The following ST6GAL2 variants were observed in gnomAD, a reference collection of about 807,000 sequenced individuals.
ST6GAL2 encodes the protein ST6 beta-galactoside alpha-2,6-sialyltransferase 2.
ST6GAL2 carries 24 observed loss-of-function variants against 37.5 expected under a neutral mutation model. The ratio of observed to expected loss-of-function variants is 0.64; its 90% CI spans 0.46 to 0.90. ST6GAL2 has a LOEUF of 0.90. Ranked by LOEUF, ST6GAL2 falls within the 40% of genes least tolerant of loss-of-function variation. ST6GAL2 has a pLI of 0.00. For synonymous variants in ST6GAL2, 306 were observed against 295.1 expected, an observed-to-expected ratio of 1.04 and a Z score of -0.38; for missense variants, 715 against 712.7, an observed-to-expected ratio of 1.00 and a Z score of -0.04.
In ST6GAL2 at chr2:106,843,132, G is replaced by A. The variant is rs746962331; in HGVS notation, c.846C>T (p.Ala282=). The change falls in exon 2 of 6, where the codon GCC becomes GCT. Residue 282 remains alanine, a synonymous_variant. Coordinates refer to ENST00000409382, the MANE Select transcript of ST6GAL2 (RefSeq NM_001142351.2). ...GGGGGTGCAGCTGGCTCAGGGGCAC[G>A]GCGGGCACCAGGCGCCGCCAGCCCA... ...SALGWRRLVP[A]VPLSQLHPRG... 1.7e-5 allele frequency: 27 copies of A among 1,567,160 alleles called. No individual in the cohort carries two copies. Among genetic ancestry groups the A allele is most frequent in the African/African-American group, 1.1e-4 (8 of 72,160 alleles).
chr2:106,867,973 T>C (rs568733325), intron 1 of ST6GAL2, among the ~76,000 whole-genome samples: 10 of 152,228 alleles, frequency 6.6e-5, no homozygotes, highest in Non-Finnish European at 1.5e-4. Flanking sequence ...GGTATTATTA[T>C]ATAAGAAGGT....
intron 5 of ST6GAL2, among the ~76,000 whole-genome samples, chr2:106,826,909 C>G (rs1439317128): frequency 6.6e-6 from 1 of 152,188 alleles, no homozygotes; most frequent in Non-Finnish European, 1.5e-5. Flanking sequence ...ACCTCCAGTG[C>G]AGCCCTTTGT....
In ST6GAL2 at chr2:106,830,065, C is replaced by T. The variant is rs1213097719; in HGVS notation, c.1318+1G>A. 2 of 1,613,748 alleles carry T rather than the reference C, an allele frequency of 1.2e-6. No individual in the cohort carries two copies. Among genetic ancestry groups the T allele is most frequent in the Non-Finnish European group, 8.5e-7 (1 of 1,179,798 alleles). ...ATTCCAATTTTTAACATAACACCTA[C>T]CAATGAAACCAGAAGATGGTGGGTT... On this transcript the variant is annotated splice_donor_variant, in intron 5 of 5. Coordinates refer to ENST00000409382, the MANE Select transcript of ST6GAL2 (RefSeq NM_001142351.2). LOFTEE classifies it high-confidence loss of function.
intron 1 of ST6GAL2, among the ~76,000 whole-genome samples, chr2:106,876,892 G>A (rs1678526885): frequency 6.6e-6 from 1 of 152,112 alleles, no homozygotes; most frequent in Non-Finnish European, 1.5e-5. Flanking sequence ...CTCCGCATGT[G>A]GACAGAAGCA....
chr2:106,876,335 C>T (rs1475110991), intron 1 of ST6GAL2, among the ~76,000 whole-genome samples: 1 of 152,096 alleles, frequency 6.6e-6, no homozygotes, highest in Non-Finnish European at 1.5e-5. Flanking sequence ...AATGGCAAAA[C>T]TAAGCTCTTC....
In ST6GAL2 at chr2:106,843,663, C is replaced by G; in HGVS notation, c.315G>C (p.Gly105=). 1 of 1,613,494 alleles carries G rather than the reference C, an allele frequency of 6.2e-7. No homozygotes were observed. The highest frequency in any genetic ancestry group is 8.5e-7 in the Non-Finnish European group (1 of 1,180,026). Residue 105 remains glycine, a synonymous_variant, in exon 2 of 6, where the codon GGG becomes GGC. Transcript: ENST00000409382. ...ATGAAAAAAACTCTTTATGTTCAAA[C>G]CCATCTTGGGACTGGGCCCATTTCT... ...DLQKWAQSQD[G]FEHKEFFSSQ...
At chr2:106,857,315 T>G (rs1228065704) in intron 1 of ST6GAL2, among the ~76,000 whole-genome samples, 1 of 152,046 alleles carries the variant, frequency 6.6e-6, no homozygotes, top group Non-Finnish European at 1.5e-5. Context: ...TTAGAACACA[T>G]AATACGGCCA....
chr2:106,872,151 C>A (rs898526890), intron 1 of ST6GAL2, among the ~76,000 whole-genome samples: 16 of 152,178 alleles, frequency 1.1e-4, no homozygotes, highest in Non-Finnish European at 2.1e-4. Context: ...TCTCAGGAGA[C>A]CCCTGTGTTA....
intron 1 of ST6GAL2, among the ~76,000 whole-genome samples, chr2:106,850,221 G>A (rs551022220): frequency 6.6e-6 from 1 of 152,206 alleles, no homozygotes; most frequent in African/African-American, 2.4e-5. Context: ...GAGGATGTCA[G>A]AGGACACAAA....
At chr2:106,821,268 C>A (rs1026807753) in intron 5 of ST6GAL2, among the ~76,000 whole-genome samples, 1 of 151,102 alleles carries the variant, frequency 6.6e-6, no homozygotes, top group African/African-American at 2.4e-5. Context: ...AGAAAGAAGA[C>A]CCAGATAAAT....
In ST6GAL2 at chr2:106,823,442, AACACACACACACAC is replaced by A. The variant is rs60795605; in HGVS notation, c.1318+6610_1318+6623del. Among the ~76,000 whole-genome samples, 343 of 101,592 alleles carry A rather than the reference AACACACACACACAC, an allele frequency of 3.4e-3. 3 individuals carry two copies. The highest frequency in any genetic ancestry group is 9.8e-3 in the South Asian group (28 of 2,862). The allele number at this position is 101,592 out of a possible 152,430, so 66.6% of individuals were successfully genotyped here. A position where few individuals can be genotyped will look rare whatever the true frequency, so the allele number is the denominator to read the frequency against. On this transcript the variant is annotated intron_variant, in intron 5 of 5. Coordinates refer to ENST00000409382, the MANE Select transcript of ST6GAL2 (RefSeq NM_001142351.2). ...TATTGCTTTCCTTTTCCCAGCAGAA[AACACACACACACAC>A]ACACACACACACACACACACACACA...
intron 1 of ST6GAL2, among the ~76,000 whole-genome samples, chr2:106,879,460 T>C (rs1350859238): frequency 6.6e-6 from 1 of 152,094 alleles, no homozygotes; most frequent in Admixed American, 6.6e-5. Flanking sequence ...CCCATGAATG[T>C]TATTCTAACA....
chr2:106,821,457 T>C (rs557022455), intron 5 of ST6GAL2, among the ~76,000 whole-genome samples: 10 of 151,716 alleles, frequency 6.6e-5, no homozygotes, highest in African/African-American at 2.4e-4. Flanking sequence ...TACAATCTAG[T>C]AAGATTGAGT....
chr2:106,870,771 C>T, intron 1 of ST6GAL2, among the ~76,000 whole-genome samples: 1 of 152,174 alleles, frequency 6.6e-6, no homozygotes, highest in East Asian at 1.9e-4. Flanking sequence ...CATCTAAAAA[C>T]TTCTCCAGGA....
At position 106,834,127 on chromosome 2, in the gene ST6GAL2, C is replaced by T. The variant is rs1676537501; in HGVS notation, c.963G>A (p.Leu321=). The T allele has an allele frequency of 9.9e-6, 16 of 1,613,416 alleles. No homozygotes were observed. The East Asian group carries it at 3.3e-4, about 34-fold the overall frequency. Residue 321 remains leucine (L), a synonymous_variant, in exon 3 of 6, where the codon TTG becomes TTA. Coordinates refer to ENST00000409382, the MANE Select transcript of ST6GAL2 (RefSeq NM_001142351.2). ...CACGTGTAGGAGCAGAGTTAAATCT[C>T]AAAACCGCATCATGAGAATCTAAGG... is the stretch of plus-strand genomic sequence containing the variant. The part of the protein sequence containing the change: ...GEEIDSHDAV[L]RFNSAPTRGY...
intron 1 of ST6GAL2, among the ~76,000 whole-genome samples, chr2:106,882,267 T>A (rs1485918349): frequency 6.6e-6 from 1 of 152,172 alleles, no homozygotes; most frequent in Non-Finnish European, 1.5e-5. Context: ...TTACAGGAGT[T>A]GTCATTCTTG....
At chr2:106,847,242 G>T (rs1326459951) in intron 1 of ST6GAL2, among the ~76,000 whole-genome samples, 3 of 152,194 alleles carry the variant, frequency 2.0e-5, no homozygotes, top group Non-Finnish European at 4.4e-5. Context: ...ACCAGGAACT[G>T]GTAATGAACA....
chr2:106,834,058 A>G lies in ST6GAL2; in HGVS notation c.1032T>C (p.Ile344=). 1 of 1,611,998 alleles carries G rather than the reference A, an allele frequency of 6.2e-7. No individual in the cohort carries two copies. Among genetic ancestry groups the G allele is most frequent in the Non-Finnish European group, 8.5e-7 (1 of 1,178,352 alleles). Residue 344 remains isoleucine, a synonymous_variant, in exon 3 of 6, where the codon ATT becomes ATC. Coordinates refer to ENST00000409382, the MANE Select transcript of ST6GAL2 (RefSeq NM_001142351.2). The stretch of plus-strand genomic sequence containing the variant: ...ACTCCATCTGTCTTACCTGCGAATT[A>G]ATGATGCGTATGGTGGTTTTATTCC... ...DVGNKTTIRI[I]NSQILTNPSH... is the part of the protein sequence containing the mutation.
chr2:106,843,089 C>A lies in ST6GAL2; in HGVS notation c.889G>T (p.Ala297Ser). The A allele has an allele frequency of 2.0e-6, 3 of 1,510,526 alleles. No homozygotes were observed. The highest frequency in any genetic ancestry group is 2.4e-5 in the Admixed American group (1 of 41,570). The allele number at this position is 1,510,526 out of a possible 1,614,324, so 93.6% of individuals were successfully genotyped here. Residue 297 changes from alanine (A) to serine (S), a missense_variant, in exon 2 of 6, where the codon GCT becomes TCT. By Grantham distance (99) the Ala-to-Ser change is moderately conservative. Transcript: ENST00000409382. ...QLHPRGLRSCAVVMSAGAILN... is the reference protein window; with the variant it reads ...QLHPRGLRSCSVVMSAGAILN... Reference sequence around the variant, plus strand: ...ATTGCGCCTGCAGACATGACGACAGCGCAGCTGCGCAGGCCGCGGGGGTGC... The same window carrying A: ...ATTGCGCCTGCAGACATGACGACAGAGCAGCTGCGCAGGCCGCGGGGGTGC...
Sources: gnomAD v4.1 joint callset for allele counts (sites outside exome capture counted in the v4.1 genomes callset) on GRCh38, gnomAD v4.1.1 for gene constraint, MANE v1.5 for transcripts, NCBI Gene and HGNC (gene_info 2026-07-23, HGNC 2026-07-21) for gene names.